The following ABCC9 variants were observed in gnomAD, a reference collection of about 807,000 sequenced individuals.
ABCC9 encodes ATP binding cassette subfamily C member 9, also known as ATP-binding cassette sub-family C member 9.
ABCC9 carries 95 observed loss-of-function variants against 188.3 expected under a neutral mutation model. The observed-to-expected ratio is 0.50, with a 90% CI of 0.43 to 0.60. ABCC9 has a LOEUF of 0.60. Ranked by LOEUF, ABCC9 falls within the 20% of genes least tolerant of loss-of-function variation. The probability of loss-of-function intolerance (pLI) is 0.00; values close to 1 mark genes in which losing one functional copy is unlikely to be tolerated. For missense variants in ABCC9, 1,102 were observed against 1,876.3 expected, an observed-to-expected ratio of 0.59 and a Z score of 7.62; for synonymous variants, 659 against 652.7, an observed-to-expected ratio of 1.01 and a Z score of -0.15.
chr12:21,823,576 C>A (rs1013183072), intron 31 of ABCC9, among the ~76,000 whole-genome samples: 1 of 152,180 alleles, frequency 6.6e-6, no homozygotes, highest in Non-Finnish European at 1.5e-5. Context: ...CCTGTTGACT[C>A]TAAAGTATTT....
chr12:21,808,554 A>G (rs761628014), intron 37 of ABCC9, among the ~76,000 whole-genome samples: 15 of 152,182 alleles, frequency 9.9e-5, no homozygotes, highest in Middle Eastern at 3.4e-3. Context: ...AAAGTTCTAT[A>G]AGCATGCATT....
intron 18 of ABCC9, 94 bp from the exon 19 acceptor site, chr12:21,864,571 A>C (rs1308091472): frequency 1.1e-6 from 1 of 875,940 alleles, no homozygotes. Flanking sequence ...TAAACACTGG[A>C]CATATTAAAG....
At chr12:21,940,474 G>A (rs1949646162) in intron 2 of ABCC9, among the ~76,000 whole-genome samples, 1 of 152,134 alleles carries the variant, frequency 6.6e-6, no homozygotes, top group Admixed American at 6.5e-5. Flanking sequence ...TAGCTAGTTA[G>A]CTAGCTACCA....
chr12:21,887,170 T>G (rs567955223), intron 15 of ABCC9, among the ~76,000 whole-genome samples: 98 of 152,324 alleles, frequency 6.4e-4, no homozygotes, highest in Non-Finnish European at 1.3e-3. Context: ...TAAATAAAGC[T>G]TATTCATATT....
rs1466183608 is a variant in ABCC9 at position 21,887,876 on chromosome 12, T to G, written c.1861A>C (p.Thr621Pro). Residue 621 changes from threonine to proline, a missense_variant, in exon 15 of 40, where the codon ACT (threonine) becomes CCT (proline). Coordinates refer to ENST00000261200, the MANE Select transcript of ABCC9 (RefSeq NM_020297.4). ...SDEIGDDSWR[T>P]GESSLPFESC... ...TCAAAAGGAAGCGAACTTTCACCAGTTCGCCAACTGTCGTCACCAATCTCA... is the reference window on the plus strand; with the variant it reads ...TCAAAAGGAAGCGAACTTTCACCAGGTCGCCAACTGTCGTCACCAATCTCA... The G allele has an allele frequency of 6.2e-7, 1 of 1,613,538 alleles. No homozygotes were observed. The highest frequency in any genetic ancestry group is 8.5e-7 in the Non-Finnish European group (1 of 1,179,580).
chr12:21,926,155 C>A, intron 4 of ABCC9, 92 bp from the exon 5 acceptor site: 1 of 1,515,818 alleles, frequency 6.6e-7, no homozygotes, highest in African/African-American at 1.4e-5. Context: ...TCTATCTTAG[C>A]AATAAGATGT....
chr12:21,876,674 C>T (rs561990070), intron 16 of ABCC9, among the ~76,000 whole-genome samples: 2 of 152,062 alleles, frequency 1.3e-5, no homozygotes, highest in Non-Finnish European at 2.9e-5. Flanking sequence ...TAACAGAACC[C>T]AGGAATTAGA....
intron 37 of ABCC9, among the ~76,000 whole-genome samples, chr12:21,808,778 CAAAAAA>C (rs34314026): frequency 3.7e-5 from 3 of 80,506 alleles, no homozygotes; most frequent in Non-Finnish European, 7.4e-5. Flanking sequence ...GAACTTGTCT[CAAAAAA>C]AAAAAAAAAA....
At chr12:21,899,723 A>C (rs1440150969) in intron 12 of ABCC9, among the ~76,000 whole-genome samples, 1 of 152,184 alleles carries the variant, frequency 6.6e-6, no homozygotes, top group Non-Finnish European at 1.5e-5. Context: ...CTAGCACAGC[A>C]GTCTGAGATC....
intron 25 of ABCC9, among the ~76,000 whole-genome samples, chr12:21,846,383 TAAG>T (rs1944672021): frequency 6.6e-6 from 1 of 152,310 alleles, no homozygotes; most frequent in Admixed American, 6.5e-5. Context: ...TGGGCTTCCT[TAAG>T]AAGGACTCCA....
chr12:21,867,243 T>C (rs745769311), intron 18 of ABCC9, among the ~76,000 whole-genome samples: 3 of 152,158 alleles, frequency 2.0e-5, no homozygotes, highest in Non-Finnish European at 2.9e-5. Flanking sequence ...TCAATATGTT[T>C]AATCAAATTC....
chr12:21,885,160 A>G (rs2137672020), intron 15 of ABCC9, among the ~76,000 whole-genome samples: 2 of 152,262 alleles, frequency 1.3e-5, no homozygotes, highest in South Asian at 4.1e-4. Flanking sequence ...AGCCAAAACC[A>G]CTTAACTCTA....
At position 21,903,123 on chromosome 12, in the gene ABCC9, C is replaced by G. The variant is rs142084398; in HGVS notation, c.1618+3003G>C. 4.1e-3 allele frequency among the ~76,000 whole-genome samples: 626 copies of G among 152,228 alleles called. 5 individuals carry two copies. The highest frequency in any genetic ancestry group is 0.014 in the African/African-American group (565 of 41,544). ...TCAAGTGGGCTTCATCCCTGGGATG[C>G]AAAGCCTCGTTCAACATACGCAAAT... On this transcript the variant is annotated intron_variant, in intron 12 of 39. Transcript: ENST00000261200.
chr12:21,805,889 G>A (rs1338417939), intron 39 of ABCC9, 109 bp downstream of exon 39: 1 of 1,041,688 alleles, frequency 9.6e-7, no homozygotes, highest in Admixed American at 1.9e-5. Context: ...AGAAACATTA[G>A]CAGAGAAATA....
chr12:21,927,860 A>C (rs1425639721), intron 4 of ABCC9, among the ~76,000 whole-genome samples: 1 of 152,218 alleles, frequency 6.6e-6, no homozygotes, highest in Non-Finnish European at 1.5e-5. Context: ...AGAGGAAAAA[A>C]TAGATAACTA....
chr12:21,853,316 G>A (rs1400367253), intron 22 of ABCC9, among the ~76,000 whole-genome samples: 4 of 152,076 alleles, frequency 2.6e-5, no homozygotes, highest in Non-Finnish European at 4.4e-5. Context: ...GTGACAGAAC[G>A]AGACTCTGTC....
At chr12:21,900,666 C>T (rs189454246) in intron 12 of ABCC9, among the ~76,000 whole-genome samples, 1 of 152,222 alleles carries the variant, frequency 6.6e-6, no homozygotes. Context: ...GACGCATGCA[C>T]AAGCTTCAGT....
intron 12 of ABCC9, among the ~76,000 whole-genome samples, chr12:21,902,126 A>T (rs1369358163): frequency 6.6e-6 from 1 of 152,242 alleles, no homozygotes; most frequent in East Asian, 1.9e-4. Flanking sequence ...TCAAACTAGA[A>T]ATCAGGATTA....
chr12:21,805,905 T>A (rs752267071), intron 39 of ABCC9, 93 bp downstream of exon 39: 4 of 1,176,928 alleles, frequency 3.4e-6, no homozygotes, highest in Non-Finnish European at 5.1e-6. Flanking sequence ...AAATACATAA[T>A]TCAACACAAG....
Sources: gnomAD v4.1 joint callset for allele counts (sites outside exome capture counted in the v4.1 genomes callset) on GRCh38, gnomAD v4.1.1 for gene constraint, MANE v1.5 for transcripts, NCBI Gene and HGNC (gene_info 2026-07-23, HGNC 2026-07-21) for gene names.